Variants in HS3ST4 observed in about 807,000 individuals in gnomAD.
HS3ST4 encodes heparan sulfate glucosamine 3-O-sulfotransferase 4.
A neutral mutation model predicts 29.2 loss-of-function variants in HS3ST4; 17 were observed. The ratio of observed to expected loss-of-function variants is 0.58; its 90% CI spans 0.40 to 0.87. HS3ST4 has a LOEUF of 0.87. Ranked by LOEUF, HS3ST4 falls within the 40% of genes least tolerant of loss-of-function variation. The pLI is 0.00. For synonymous variants in HS3ST4, 314 were observed against 285.7 expected, an observed-to-expected ratio of 1.10 and a Z score of -1.00; for missense variants, 627 against 634.5, an observed-to-expected ratio of 0.99 and a Z score of 0.13.
chr16:25,966,691 GCT>G (rs34029419), intron 1 of HS3ST4, among the ~76,000 whole-genome samples: 25,148 of 152,094 alleles, frequency 0.17, 2,185 homozygotes, highest in African/African-American at 0.17. Flanking sequence ...CTCTGTTTCT[GCT>G]CTCTGCATAG....
chr16:26,066,069 A>T (rs985312054), intron 1 of HS3ST4, among the ~76,000 whole-genome samples: 2 of 152,258 alleles, frequency 1.3e-5, no homozygotes, highest in African/African-American at 4.8e-5. Context: ...ATGATATGCC[A>T]TATCTTTACA....
chr16:26,136,339 T>G lies in HS3ST4; in HGVS notation c.*91T>G. On this transcript the variant is annotated 3_prime_UTR_variant, in exon 2 of 2. Coordinates refer to ENST00000331351, the MANE Select transcript of HS3ST4 (RefSeq NM_006040.3). ...CCCCAGCTTCTGCAGCTTCACTTGC[T>G]GGAGTGCCAAGTAGATCTCCTCCTC... The G allele has an allele frequency of 8.0e-7, 1 of 1,243,494 alleles. No homozygotes were observed. The highest frequency in any genetic ancestry group is 1.1e-6 in the Non-Finnish European group (1 of 911,854). The allele number at this position is 1,243,494 out of a possible 1,614,324, so 77.0% of individuals were successfully genotyped here. A position where few individuals can be genotyped will look rare whatever the true frequency, so the allele number is the denominator to read the frequency against.
At chr16:25,697,084 G>A (rs1379743825) in intron 1 of HS3ST4, among the ~76,000 whole-genome samples, 1 of 152,188 alleles carries the variant, frequency 6.6e-6, no homozygotes, top group Non-Finnish European at 1.5e-5. Context: ...GTACTAGGAA[G>A]CATATACCCT....
Position 25,793,625 on chromosome 16 carries a change from G to A in HS3ST4, c.734+100474G>A, listed in dbSNP as rs1309224552. Among the ~76,000 whole-genome samples, 4 of 151,938 alleles carry A rather than the reference G, an allele frequency of 2.6e-5. No homozygotes were observed. The East Asian group carries it at 5.8e-4, about 22-fold the overall frequency. The stretch of plus-strand genomic sequence containing the variant: ...ACTTAATTTTCTTCAGCGTTTGCAA[G>A]GTATAGCTTTCCCAGTCCCTTACTG... On this transcript the variant is annotated intron_variant, in intron 1 of 1. Coordinates refer to ENST00000331351, the MANE Select transcript of HS3ST4 (RefSeq NM_006040.3).
chr16:25,928,782 C>A (rs577709207), intron 1 of HS3ST4, among the ~76,000 whole-genome samples: 3 of 152,142 alleles, frequency 2.0e-5, no homozygotes, highest in Non-Finnish European at 2.9e-5. Context: ...TCATGACCCA[C>A]CTTGGGACAT....
intron 1 of HS3ST4, among the ~76,000 whole-genome samples, chr16:25,858,328 C>T (rs1030430161): frequency 6.6e-6 from 1 of 152,212 alleles, no homozygotes; most frequent in Admixed American, 6.5e-5. Context: ...AATCAGAATA[C>T]ACATGCATGT....
intron 1 of HS3ST4, among the ~76,000 whole-genome samples, chr16:26,081,852 A>G (rs571122250): frequency 2.7e-4 from 37 of 135,754 alleles, no homozygotes; most frequent in South Asian, 2.1e-3. Flanking sequence ...TTGGAGTACA[A>G]TGGCATGATC....
At chr16:25,824,756 G>T (rs1433902703) in intron 1 of HS3ST4, 1 of 152,196 alleles carries the variant, frequency 6.6e-6, no homozygotes, top group East Asian at 1.9e-4. Flanking sequence ...GGGCAGAGGT[G>T]CCACATATAG....
chr16:26,060,172 C>G (rs1224585763), intron 1 of HS3ST4, among the ~76,000 whole-genome samples: 1 of 152,124 alleles, frequency 6.6e-6, no homozygotes, highest in African/African-American at 2.4e-5. Flanking sequence ...CAGAGAAACC[C>G]AGCCCTGCCC....
intron 1 of HS3ST4, among the ~76,000 whole-genome samples, chr16:26,048,895 C>A (rs1898302277): frequency 6.6e-6 from 1 of 152,040 alleles, no homozygotes; most frequent in Non-Finnish European, 1.5e-5. Context: ...ATTTTTCTTG[C>A]AGTTCTTTAA....
intron 1 of HS3ST4, among the ~76,000 whole-genome samples, chr16:25,981,518 C>T (rs1293712738): frequency 6.6e-6 from 1 of 151,962 alleles, no homozygotes; most frequent in African/African-American, 2.4e-5. Context: ...TCATTTCACA[C>T]CTGAGCTCAG....
chr16:25,987,964 T>C (rs1567288297), intron 1 of HS3ST4, among the ~76,000 whole-genome samples: 1 of 151,976 alleles, frequency 6.6e-6, no homozygotes, highest in Non-Finnish European at 1.5e-5. Flanking sequence ...AGAGACGGGG[T>C]TTCACCATAT....
intron 1 of HS3ST4, among the ~76,000 whole-genome samples, chr16:26,084,156 G>A (rs1384101458): frequency 6.6e-6 from 1 of 152,170 alleles, no homozygotes; most frequent in Non-Finnish European, 1.5e-5. Context: ...GCTCTCTCCT[G>A]TAGTGCCAGT....
At chr16:25,942,607 CTTTT>C (rs570460052) in intron 1 of HS3ST4, among the ~76,000 whole-genome samples, 1 of 142,604 alleles carries the variant, frequency 7.0e-6, no homozygotes, top group African/African-American at 2.6e-5. Context: ...TCATCACTTC[CTTTT>C]TTTTTTTTTC....
intron 1 of HS3ST4, among the ~76,000 whole-genome samples, chr16:25,835,971 C>T (rs1189688157): frequency 1.3e-5 from 2 of 152,094 alleles, no homozygotes; most frequent in Admixed American, 1.3e-4. Flanking sequence ...TGGAAATGGA[C>T]AGAAACCAAG....
chr16:25,944,827 C>T (rs188627594), intron 1 of HS3ST4, among the ~76,000 whole-genome samples: 13 of 152,306 alleles, frequency 8.5e-5, no homozygotes, highest in Non-Finnish European at 1.6e-4. Flanking sequence ...TAAAAGCCCC[C>T]AGAAGCCTCA....
In HS3ST4 at chr16:26,083,484, T is replaced by G. The variant is rs941908780; in HGVS notation, c.735-52128T>G. On this transcript the variant is annotated intron_variant, in intron 1 of 1. Transcript: ENST00000331351. Reference sequence around the variant, plus strand: ...AATCTAGACCAAGAGTCAACAATTTTTTTTTCCATAAAGGGCCAGGTGGTA... The same window carrying G: ...AATCTAGACCAAGAGTCAACAATTTGTTTTTCCATAAAGGGCCAGGTGGTA... 5.3e-5 allele frequency among the ~76,000 whole-genome samples: 8 copies of G among 152,326 alleles called. No homozygotes were observed. In the East Asian group the frequency reaches 1.5e-3, roughly 29 times the overall value.
intron 1 of HS3ST4, among the ~76,000 whole-genome samples, chr16:25,963,254 C>A (rs927099828): frequency 6.6e-6 from 1 of 152,114 alleles, no homozygotes; most frequent in Admixed American, 6.6e-5. Context: ...AAGGGTTAGC[C>A]ACATCTGTCT....
rs762212608 is a variant in HS3ST4 at position 25,692,943 on chromosome 16, G to C, written c.526G>C (p.Ala176Pro). ...TTDEDLAGRR[A>P]ANGSSERGGA... ...CGACGAGGATCTCGCAGGCCGGAGAGCGGCCAACGGGAGCAGCGAGAGGGG... is the reference window on the plus strand; with the variant it reads ...CGACGAGGATCTCGCAGGCCGGAGACCGGCCAACGGGAGCAGCGAGAGGGG... The change falls in exon 1 of 2, where the codon GCG (alanine) becomes CCG (proline). Residue 176 changes from alanine (A) to proline (P), a missense_variant. Ala to Pro is a conservative substitution (Grantham distance 27). Transcript: ENST00000331351. The C allele has an allele frequency of 8.1e-6, 13 of 1,609,346 alleles. No individual in the cohort carries two copies. The Admixed American group carries it at 2.2e-4, about 27-fold the overall frequency.
Sources: gnomAD v4.1 joint callset for allele counts (sites outside exome capture counted in the v4.1 genomes callset) on GRCh38, gnomAD v4.1.1 for gene constraint, MANE v1.5 for transcripts, NCBI Gene and HGNC (gene_info 2026-07-23, HGNC 2026-07-21) for gene names.